The following ZNF804A variants were observed in gnomAD, a reference collection of about 807,000 sequenced individuals.
ZNF804A encodes zinc finger protein 804A.
A neutral mutation model predicts 16.5 loss-of-function variants in ZNF804A; 2 were observed. The ratio of observed to expected loss-of-function variants is 0.12; its 90% confidence interval spans 0.05 to 0.38. The LOEUF is 0.38. Among genes scored for constraint, ZNF804A ranks in the 10% least tolerant of loss-of-function variants. The pLI is 0.99. For synonymous variants in ZNF804A, 534 were observed against 489.6 expected (o/e 1.09, Z -1.20); for missense variants, 1,473 against 1,390.7 (o/e 1.06, Z -0.94).
intron 2 of ZNF804A, among the ~76,000 whole-genome samples, chr2:184,880,435 T>G (rs755704321): frequency 1.3e-5 from 2 of 152,042 alleles, no homozygotes; most frequent in African/African-American, 2.4e-5. Context: ...TCATCTATGC[T>G]TTTTCAAGCT....
chr2:184,844,766 T>TG (rs1308942051), intron 1 of ZNF804A, among the ~76,000 whole-genome samples: 1 of 151,910 alleles, frequency 6.6e-6, no homozygotes, highest in Non-Finnish European at 1.5e-5. Context: ...GTTACTAATT[T>TG]GGGGAAGTCC....
At chr2:184,615,116 G>A (rs1018960778) in intron 1 of ZNF804A, among the ~76,000 whole-genome samples, 10 of 152,158 alleles carry the variant, frequency 6.6e-5, no homozygotes, top group African/African-American at 1.9e-4. Flanking sequence ...ATTCACAATA[G>A]CAAAGACTTG....
chr2:184,893,901 T>G (rs1409803309), intron 2 of ZNF804A, among the ~76,000 whole-genome samples: 1 of 152,154 alleles, frequency 6.6e-6, no homozygotes, highest in African/African-American at 2.4e-5. Flanking sequence ...ATTCTGTAAC[T>G]CCATACTTTC....
At chr2:184,701,350 G>C (rs16826169) in intron 1 of ZNF804A, among the ~76,000 whole-genome samples, 34,288 of 151,718 alleles carry the variant, frequency 0.23, 5,485 homozygotes, top group African/African-American at 0.45. Context: ...ATAGAAAAAG[G>C]CAATTTTTGG....
At chr2:184,820,855 A>G (rs890624554) in intron 1 of ZNF804A, among the ~76,000 whole-genome samples, 1 of 152,120 alleles carries the variant, frequency 6.6e-6, no homozygotes, top group Middle Eastern at 3.2e-3. Flanking sequence ...AATATAGCTA[A>G]CAAGGGAAAT....
Position 184,935,882 on chromosome 2 carries a change from C to A in ZNF804A, c.486C>A (p.Asn162Lys), listed in dbSNP as rs1369946935. The A allele has an allele frequency of 1.2e-6, 2 of 1,613,722 alleles. No individual in the cohort carries two copies. The highest frequency in any genetic ancestry group is 1.3e-5 in the African/African-American group (1 of 74,972). ...GAGTTGTTGTGGATTCAGTTAATAA[C>A]CAGCAAGATTTCAAATATACTTTGA... The part of the protein sequence containing the change: ...SQRVVVDSVN[N>K]QQDFKYTLIH... The change falls in exon 4 of 4, where the codon AAC (asparagine) becomes AAA (lysine). Residue 162 changes from asparagine to lysine, a missense_variant. Coordinates refer to ENST00000302277, the MANE Select transcript of ZNF804A (RefSeq NM_194250.2).
At chr2:184,781,591 A>G (rs1016803119) in intron 1 of ZNF804A, among the ~76,000 whole-genome samples, 13 of 151,740 alleles carry the variant, frequency 8.6e-5, no homozygotes, top group Non-Finnish European at 1.9e-4. Context: ...TATGGGTACC[A>G]CACTACACCT....
intron 1 of ZNF804A, among the ~76,000 whole-genome samples, chr2:184,791,639 T>C (rs34963004): frequency 0.32 from 49,416 of 152,064 alleles, 11,002 homozygotes; most frequent in African/African-American, 0.63. Context: ...ACTCTATCAA[T>C]GTTCCAAACC....
chr2:184,839,931 C>A (rs960927649), intron 1 of ZNF804A, among the ~76,000 whole-genome samples: 8 of 152,130 alleles, frequency 5.3e-5, no homozygotes, highest in Non-Finnish European at 1.0e-4. Flanking sequence ...CCATAACCGA[C>A]CCCTTCAACT....
intron 1 of ZNF804A, among the ~76,000 whole-genome samples, chr2:184,775,563 C>A (rs1264063921): frequency 1.3e-5 from 2 of 151,670 alleles, no homozygotes; most frequent in East Asian, 3.9e-4. Flanking sequence ...AACTCCTGAG[C>A]CAATTTTGGT....
chr2:184,910,092 G>C (rs943321817), intron 2 of ZNF804A, among the ~76,000 whole-genome samples: 1 of 151,844 alleles, frequency 6.6e-6, no homozygotes, highest in Admixed American at 6.6e-5. Flanking sequence ...CATTACCCAG[G>C]TAGTGAACAT....
intron 1 of ZNF804A, among the ~76,000 whole-genome samples, chr2:184,686,858 TC>T (rs1441052007): frequency 6.6e-6 from 1 of 152,234 alleles, no homozygotes; most frequent in African/African-American, 2.4e-5. Flanking sequence ...AGGTTCCCAT[TC>T]ATGTTCTTTG....
chr2:184,843,924 T>G (rs1354655406), intron 1 of ZNF804A, among the ~76,000 whole-genome samples: 3 of 152,098 alleles, frequency 2.0e-5, no homozygotes, highest in African/African-American at 7.2e-5. Context: ...TTTTTAATGT[T>G]TTGTATTTGT....
At chr2:184,748,350 A>T (rs1469888726) in intron 1 of ZNF804A, among the ~76,000 whole-genome samples, 2 of 149,056 alleles carry the variant, frequency 1.3e-5, no homozygotes, top group African/African-American at 4.9e-5. Flanking sequence ...TCTCATTGGG[A>T]TCTTAATTTG....
At chr2:184,835,010 C>G (rs1391003511) in intron 1 of ZNF804A, among the ~76,000 whole-genome samples, 1 of 152,144 alleles carries the variant, frequency 6.6e-6, no homozygotes, top group Non-Finnish European at 1.5e-5. Flanking sequence ...AACTGACTAC[C>G]TACTATTTGG....
intron 1 of ZNF804A, among the ~76,000 whole-genome samples, chr2:184,743,248 C>A (rs891138911): frequency 1.3e-5 from 2 of 151,944 alleles, no homozygotes; most frequent in Non-Finnish European, 2.9e-5. Flanking sequence ...AAGCCAAAAC[C>A]TCTAAATTAT....
intron 1 of ZNF804A, among the ~76,000 whole-genome samples, chr2:184,708,593 A>C (rs1693072438): frequency 1.3e-5 from 2 of 152,170 alleles, no homozygotes; most frequent in African/African-American, 4.8e-5. Context: ...AGCTAACCAT[A>C]TGCAGAAGAT....
At chr2:184,801,267 A>G (rs1694721865) in intron 1 of ZNF804A, among the ~76,000 whole-genome samples, 1 of 152,050 alleles carries the variant, frequency 6.6e-6, no homozygotes, top group African/African-American at 2.4e-5. Context: ...TAAATGCTTA[A>G]GTGTAGAAGT....
At position 184,936,155 on chromosome 2, in the gene ZNF804A, C is replaced by T. The variant is rs959996038; in HGVS notation, c.759C>T (p.Val253=). ...GATTTAGCAGAAAAAGTAGATTTGT[C>T]CCCAGTGCTTGTCATCTTCAACAAT... is the stretch of plus-strand genomic sequence containing the variant. ...GKGFSRKSRF[V]PSACHLQQSS... The change falls in exon 4 of 4, where the codon GTC becomes GTT. Residue 253 remains valine, a synonymous_variant. Coordinates refer to ENST00000302277, the MANE Select transcript of ZNF804A (RefSeq NM_194250.2). 11 of 1,613,850 alleles carry T rather than the reference C, an allele frequency of 6.8e-6. No individual in the cohort carries two copies. In the African/African-American group the frequency reaches 1.5e-4, roughly 22 times the overall value.
Sources: gnomAD v4.1 joint callset for allele counts (sites outside exome capture counted in the v4.1 genomes callset) on GRCh38, gnomAD v4.1.1 for gene constraint, MANE v1.5 for transcripts, NCBI Gene and HGNC (gene_info 2026-07-23, HGNC 2026-07-21) for gene names.